Variants in TRPM3 observed in about 807,000 individuals in gnomAD.
TRPM3 encodes the protein transient receptor potential cation channel subfamily M member 3.
TRPM3 carries 77 observed loss-of-function variants against 181.2 expected under a neutral mutation model. The ratio of observed to expected loss-of-function variants is 0.42; its 90% confidence interval spans 0.35 to 0.51. The LOEUF (loss-of-function observed/expected upper bound fraction) is 0.51, where lower values mean the gene tolerates loss of function less well. TRPM3 is among the 20% of genes least tolerant of loss of function. The pLI, the probability that TRPM3 is intolerant of heterozygous loss-of-function variation, is 0.01. For missense variants in TRPM3, 1,759 were observed against 2,196.7 expected (o/e 0.80, Z 3.98); for synonymous variants, 745 against 796.4 (o/e 0.94, Z 1.09).
intron 1 of TRPM3, among the ~76,000 whole-genome samples, chr9:71,244,482 G>C (rs2081919549): frequency 6.6e-6 from 1 of 152,142 alleles, no homozygotes; most frequent in African/African-American, 2.4e-5. Context: ...GACAATATTT[G>C]TGGTACATAT....
At chr9:71,224,951 C>T (rs180748469) in intron 1 of TRPM3, among the ~76,000 whole-genome samples, 1 of 152,032 alleles carries the variant, frequency 6.6e-6, no homozygotes, top group East Asian at 1.9e-4. Context: ...TAAAGCATGC[C>T]TGTAAGATCT....
Position 70,552,878 on chromosome 9 carries a change from G to A in TRPM3, c.3540C>T (p.His1180=), listed in dbSNP as rs776099539. Residue 1180 remains histidine (H), a synonymous_variant, in exon 24 of 26, where the codon CAC becomes CAT. Coordinates refer to ENST00000677713, the MANE Select transcript of TRPM3 (RefSeq NM_001366145.2). The stretch of plus-strand genomic sequence containing the variant: ...AGTCCCTTTCATCCGGGTCGCTCTC[G>A]TGTTTCCTCCATCGGCAGCACAGGT... ...FQHLCCRWRK[H]ESDPDERDYG... is the part of the protein sequence containing the mutation. 6 of 1,614,058 alleles carry A rather than the reference G, an allele frequency of 3.7e-6. No homozygotes were observed. Among genetic ancestry groups the A allele is most frequent in the Admixed American group, 1.7e-5 (1 of 60,006 alleles).
In TRPM3 at chr9:70,902,358, C is replaced by T. The variant is rs116262209; in HGVS notation, c.178-37847G>A. Among the ~76,000 whole-genome samples the T allele has an allele frequency of 5.4e-3, 825 of 152,312 alleles. 7 individuals are homozygous for T. Among genetic ancestry groups the T allele is most frequent in the African/African-American group, 0.019 (783 of 41,564 alleles). Reference sequence around the variant, plus strand: ...GTTGTACTCAGGATTTGGGATGCCTCATTTCCTTTTTGCCCGGCACTGTAC... The same window carrying T: ...GTTGTACTCAGGATTTGGGATGCCTTATTTCCTTTTTGCCCGGCACTGTAC... On this transcript the variant is annotated intron_variant, in intron 1 of 25. Coordinates refer to ENST00000677713, the MANE Select transcript of TRPM3 (RefSeq NM_001366145.2).
At chr9:70,809,815 C>T (rs1255876526) in intron 6 of TRPM3, among the ~76,000 whole-genome samples, 1 of 152,194 alleles carries the variant, frequency 6.6e-6, no homozygotes, top group Non-Finnish European at 1.5e-5. Flanking sequence ...ATATTTCACT[C>T]CTTCCTAATT....
At chr9:71,056,270 G>A (rs760915321) in intron 1 of TRPM3, among the ~76,000 whole-genome samples, 15 of 152,076 alleles carry the variant, frequency 9.9e-5, no homozygotes, top group Non-Finnish European at 1.9e-4. Flanking sequence ...ACCAATCACA[G>A]TATGCTGCCT....
Position 71,049,693 on chromosome 9 carries a change from T to C in TRPM3, c.177+71485A>G, listed in dbSNP as rs920314298. 8.5e-5 allele frequency among the ~76,000 whole-genome samples: 13 copies of C among 152,258 alleles called. 1 individual carries two copies. The highest frequency in any genetic ancestry group is 3.1e-4 in the African/African-American group (13 of 41,540). Reference sequence around the variant, plus strand: ...GGCCATTTCTACCTTGCCTGGTCATTGTGGGTAGTTTGTGTTGTTTCTGCT... The same window carrying C: ...GGCCATTTCTACCTTGCCTGGTCATCGTGGGTAGTTTGTGTTGTTTCTGCT... On this transcript the variant is annotated intron_variant, in intron 1 of 25. Transcript: ENST00000677713.
intron 18 of TRPM3, among the ~76,000 whole-genome samples, chr9:70,612,511 A>G (rs976429003): frequency 2.0e-5 from 3 of 152,254 alleles, no homozygotes; most frequent in African/African-American, 7.2e-5. Flanking sequence ...TTGGTTCATT[A>G]CCTCAAATAT....
chr9:70,693,451 T>C (rs1444521377), intron 8 of TRPM3, among the ~76,000 whole-genome samples: 2 of 152,148 alleles, frequency 1.3e-5, no homozygotes, highest in Non-Finnish European at 2.9e-5. Context: ...GGATTTCTTA[T>C]GGGGTTGTAA....
intron 1 of TRPM3, among the ~76,000 whole-genome samples, chr9:71,142,980 T>TAAA (rs34661280): frequency 2.0e-3 from 299 of 147,058 alleles, no homozygotes; most frequent in Middle Eastern, 3.5e-3. Context: ...AAGAAAATGT[T>TAAA]AAAAAAAAAA....
chr9:71,002,823 TAAG>T (rs1207723153), intron 1 of TRPM3, among the ~76,000 whole-genome samples: 1 of 152,140 alleles, frequency 6.6e-6, no homozygotes, highest in African/African-American at 2.4e-5. Context: ...ATGTACCTCT[TAAG>T]AATAAGAATA....
chr9:70,804,713 C>G (rs6560154), intron 6 of TRPM3, among the ~76,000 whole-genome samples: 41,144 of 151,652 alleles, frequency 0.27, 6,104 homozygotes, highest in African/African-American at 0.38. Flanking sequence ...CCCTTCCCTT[C>G]TCTTCTCCCC....
chr9:70,812,740 A>G (rs1175457553), intron 6 of TRPM3, among the ~76,000 whole-genome samples: 1 of 152,168 alleles, frequency 6.6e-6, no homozygotes, highest in African/African-American at 2.4e-5. Flanking sequence ...TGCAGAGTGA[A>G]TGGCATGCTG....
At chr9:70,977,227 C>T (rs372213245) in intron 1 of TRPM3, among the ~76,000 whole-genome samples, 3 of 152,158 alleles carry the variant, frequency 2.0e-5, no homozygotes, top group African/African-American at 4.8e-5. Context: ...CTCCGCCTCG[C>T]GGGTTCAAGT....
At chr9:71,070,140 CAA>C (rs1430554473) in intron 1 of TRPM3, among the ~76,000 whole-genome samples, 1 of 152,168 alleles carries the variant, frequency 6.6e-6, no homozygotes, top group African/African-American at 2.4e-5. Flanking sequence ...AATATCTGGT[CAA>C]AGTGTCATTA....
At chr9:71,388,210 A>C (rs1311256741) in intron 1 of TRPM3, among the ~76,000 whole-genome samples, 3 of 152,202 alleles carry the variant, frequency 2.0e-5, no homozygotes, top group Admixed American at 2.0e-4. Flanking sequence ...TCATGTTTTT[A>C]TGTTTACAAT....
intron 22 of TRPM3, among the ~76,000 whole-genome samples, chr9:70,554,289 G>T (rs975343600): frequency 6.6e-6 from 1 of 152,170 alleles, no homozygotes; most frequent in African/African-American, 2.4e-5. Flanking sequence ...CTCCTCTCCA[G>T]CCCCCTATAA....
At chr9:71,360,148 G>A (rs1299711341) in intron 1 of TRPM3, among the ~76,000 whole-genome samples, 2 of 151,966 alleles carry the variant, frequency 1.3e-5, no homozygotes, top group African/African-American at 2.4e-5. Flanking sequence ...TCCAAGCTGG[G>A]TGATCTTAAG....
intron 22 of TRPM3, among the ~76,000 whole-genome samples, chr9:70,556,154 T>C (rs566335184): frequency 6.6e-6 from 1 of 152,062 alleles, no homozygotes; most frequent in African/African-American, 2.4e-5. Context: ...GCCATCAACA[T>C]ATTTCCAGGT....
At chr9:71,123,370 G>C (rs144818419), upstream of TRPM3, among the ~76,000 whole-genome samples, 2 of 152,310 alleles carry the variant, frequency 1.3e-5, no homozygotes, top group African/African-American at 4.8e-5. Flanking sequence ...AGTCTTGGGA[G>C]ATTTACGTAC....
Sources: allele counts gnomAD v4.1 joint callset (sites outside exome capture counted in the v4.1 genomes callset), GRCh38; gene constraint gnomAD v4.1.1; transcripts MANE v1.5; gene names NCBI Gene and HGNC (gene_info 2026-07-23, HGNC 2026-07-21).